The following ROBO2 variants were observed in gnomAD, a reference collection of about 807,000 sequenced individuals.
ROBO2 encodes the protein roundabout homolog 2.
Under a neutral mutation model 160.8 loss-of-function variants are expected in ROBO2, and 53 were observed. That is an observed-to-expected ratio of 0.33 (90% CI 0.26 to 0.41). ROBO2 has a LOEUF of 0.41. Among genes scored for constraint, ROBO2 ranks in the 10% least tolerant of loss-of-function variants. The pLI, the probability that ROBO2 is intolerant of heterozygous loss-of-function variation, is 1.00. For missense variants in ROBO2, 1,577 were observed against 1,722.4 expected (o/e 0.92, Z 1.49); for synonymous variants, 664 against 611.7 (o/e 1.09, Z -1.26).
chr3:76,407,568 C>G (rs765023523), intron 2 of ROBO2, among the ~76,000 whole-genome samples: 2 of 151,868 alleles, frequency 1.3e-5, no homozygotes, highest in Non-Finnish European at 2.9e-5. Context: ...CATTACTGCA[C>G]ACGTTTCTGA....
chr3:77,249,297 T>A (rs2090091204), intron 2 of ROBO2, among the ~76,000 whole-genome samples: 1 of 152,250 alleles, frequency 6.6e-6, no homozygotes, highest in Admixed American at 6.5e-5. Context: ...TATATATATT[T>A]TTTACAATTG....
intron 2 of ROBO2, among the ~76,000 whole-genome samples, chr3:76,034,745 G>A (rs1039694546): frequency 1.3e-5 from 2 of 152,084 alleles, no homozygotes; most frequent in Non-Finnish European, 2.9e-5. Context: ...TCCAGTGGCT[G>A]GTAGAAAAAA....
At chr3:76,978,628 C>A (rs1458316694) in intron 2 of ROBO2, among the ~76,000 whole-genome samples, 1 of 151,964 alleles carries the variant, frequency 6.6e-6, no homozygotes, top group Non-Finnish European at 1.5e-5. Flanking sequence ...AGGACATTCT[C>A]CAGGCTCTGA....
chr3:77,155,773 A>C (rs1579458750), intron 2 of ROBO2, among the ~76,000 whole-genome samples: 1 of 152,104 alleles, frequency 6.6e-6, no homozygotes, highest in African/African-American at 2.4e-5. Flanking sequence ...GCACATTTTC[A>C]GTCTTCGTTT....
At position 77,574,611 on chromosome 3, in the gene ROBO2, G is replaced by T. The variant is rs1421669057; in HGVS notation, c.2084G>T (p.Arg695Leu). Reference sequence around the variant, plus strand: ...TTAGATGCCAAAGTCCCGACTGAACGAAGTGCTGTCTTAGTCAACCTGAAA... The same window carrying T: ...TTAGATGCCAAAGTCCCGACTGAACTAAGTGCTGTCTTAGTCAACCTGAAA... The change falls in exon 14 of 26, where the codon CGA (arginine) becomes CTA (leucine). Residue 695 changes from arginine to leucine, a missense_variant. Coordinates refer to ENST00000461745, the Ensembl canonical transcript of ROBO2. The T allele has an allele frequency of 6.2e-7, 1 of 1,613,378 alleles. No individual in the cohort carries two copies. Among genetic ancestry groups the T allele is most frequent in the Admixed American group, 1.7e-5 (1 of 59,894 alleles).
intron 2 of ROBO2, among the ~76,000 whole-genome samples, chr3:76,349,893 A>G (rs1023561162): frequency 3.9e-5 from 6 of 152,108 alleles, no homozygotes; most frequent in Non-Finnish European, 8.8e-5. Flanking sequence ...ACACTGGACA[A>G]TAAGCATGCC....
In ROBO2 at chr3:77,574,576, G is replaced by A. The variant is rs779396392; in HGVS notation, c.2049G>A (p.Ser683=). Reference sequence around the variant, plus strand: ...CTTCAGGTCTGCAGGCGACATCTTCGTGGCAGAATTTAGATGCCAAAGTCC... The same window carrying A: ...CTTCAGGTCTGCAGGCGACATCTTCATGGCAGAATTTAGATGCCAAAGTCC... The change falls in exon 14 of 26, where the codon TCG becomes TCA. Residue 683 remains serine (S), a synonymous_variant. Coordinates refer to ENST00000461745, the Ensembl canonical transcript of ROBO2. 8.7e-6 allele frequency: 14 copies of A among 1,613,310 alleles called. No individual in the cohort carries two copies. The highest frequency in any genetic ancestry group is 3.3e-5 in the Admixed American group (2 of 59,894).
At chr3:76,977,073 C>A (rs2059852284) in intron 2 of ROBO2, among the ~76,000 whole-genome samples, 1 of 152,076 alleles carries the variant, frequency 6.6e-6, no homozygotes, top group African/African-American at 2.4e-5. Flanking sequence ...TGCTTTCATG[C>A]AAATTTGAAA....
intron 2 of ROBO2, among the ~76,000 whole-genome samples, chr3:76,531,727 T>G (rs1352939031): frequency 6.6e-6 from 1 of 151,692 alleles, no homozygotes; most frequent in Non-Finnish European, 1.5e-5. Context: ...CTTCTGATGC[T>G]ATTTGTTGAA....
chr3:77,480,960 A>C lies in ROBO2; in HGVS notation c.547-139A>C, dbSNP rs1219691352. On this transcript the variant is annotated intron_variant, in intron 3 of 25. Transcript: ENST00000461745. The stretch of plus-strand genomic sequence containing the variant: ...ATTTAAGAAAAGAAAACATACCTGC[A>C]AATGCCAAAATAATGGGAGAGTTTT... 9.8e-6 allele frequency: 7 copies of C among 712,270 alleles called. No homozygotes were observed. The East Asian group carries it at 1.9e-4, about 20-fold the overall frequency. The allele number at this position is 712,270 out of a possible 1,614,324, so 44.1% of individuals were successfully genotyped here.
chr3:77,141,026 T>C (rs932529570), intron 2 of ROBO2, among the ~76,000 whole-genome samples: 1 of 152,190 alleles, frequency 6.6e-6, no homozygotes, highest in African/African-American at 2.4e-5. Flanking sequence ...GGACATTCAT[T>C]GTCAGGATGA....
At chr3:76,561,145 C>A (rs2084162787) in intron 2 of ROBO2, among the ~76,000 whole-genome samples, 2 of 151,602 alleles carry the variant, frequency 1.3e-5, no homozygotes, top group Admixed American at 6.6e-5. Flanking sequence ...ACATAGGCAT[C>A]ATGTTCCAAC....
At chr3:76,301,240 A>G (rs1709340679) in intron 2 of ROBO2, among the ~76,000 whole-genome samples, 1 of 152,110 alleles carries the variant, frequency 6.6e-6, no homozygotes, top group Non-Finnish European at 1.5e-5. Context: ...GGATGACACT[A>G]AAGGGGTAAA....
At chr3:76,013,042 C>T (rs1200352340) in intron 2 of ROBO2, among the ~76,000 whole-genome samples, 6 of 143,832 alleles carry the variant, frequency 4.2e-5, no homozygotes, top group South Asian at 2.2e-4. Context: ...AGGCTGGGCA[C>T]GGTGGCTTAT....
intron 1 of ROBO2, among the ~76,000 whole-genome samples, chr3:77,085,324 G>C (rs7609761): frequency 0.046 from 6,941 of 152,114 alleles, 524 homozygotes; most frequent in African/African-American, 0.16. Flanking sequence ...TTTTCTATAA[G>C]ATTCTATAAT....
chr3:77,530,862 G>A (rs2091665537), intron 6 of ROBO2, among the ~76,000 whole-genome samples: 1 of 152,046 alleles, frequency 6.6e-6, no homozygotes, highest in East Asian at 1.9e-4. Context: ...CTTCTGATGA[G>A]GAAACTGACA....
chr3:76,562,513 T>A (rs1440935434), intron 2 of ROBO2, among the ~76,000 whole-genome samples: 3 of 151,890 alleles, frequency 2.0e-5, no homozygotes, highest in African/African-American at 7.2e-5. Flanking sequence ...ATAAGCATAG[T>A]ATAGACTCCC....
chr3:76,044,723 A>G (rs1021961968), intron 2 of ROBO2, among the ~76,000 whole-genome samples: 2 of 152,088 alleles, frequency 1.3e-5, no homozygotes, highest in African/African-American at 4.8e-5. Flanking sequence ...TGCAATGTGC[A>G]TAAATAAAAT....
chr3:76,013,147 A>G (rs1183862178), intron 2 of ROBO2, among the ~76,000 whole-genome samples: 2 of 146,590 alleles, frequency 1.4e-5, no homozygotes, highest in East Asian at 4.1e-4. Flanking sequence ...TATAAAGGCA[A>G]TTGGAGGCTG....
Sources: gnomAD v4.1 joint callset for allele counts (sites outside exome capture counted in the v4.1 genomes callset) on GRCh38, gnomAD v4.1.1 for gene constraint, MANE v1.5 for transcripts, NCBI Gene and HGNC (gene_info 2026-07-23, HGNC 2026-07-21) for gene names.